SLC9A9: variants seen among roughly 807,000 people sequenced by gnomAD.
SLC9A9 encodes the protein sodium/hydrogen exchanger 9.
In SLC9A9, 62 loss-of-function variants were observed where a neutral mutation model predicts 77.8. The ratio of observed to expected loss-of-function variants is 0.80; its 90% CI spans 0.65 to 0.98. The LOEUF is 0.98. Among genes scored for constraint, SLC9A9 ranks in the 50% least tolerant of loss-of-function variants. The pLI, the probability that SLC9A9 is intolerant of heterozygous loss-of-function variation, is 0.00. For missense variants in SLC9A9, 775 were observed against 774.9 expected (o/e 1.00, Z 0.00); for synonymous variants, 320 against 283.5 (o/e 1.13, Z -1.29).
chr3:143,847,358 A>C (rs2009851602), intron 1 of SLC9A9, among the ~76,000 whole-genome samples: 1 of 152,218 alleles, frequency 6.6e-6, no homozygotes. Flanking sequence ...ATTTTACTTT[A>C]AAAGATGAGA....
At chr3:143,269,083 A>G in intron 14 of SLC9A9, 103 bp from the exon 15 acceptor site, 1 of 837,114 alleles carries the variant, frequency 1.2e-6, no homozygotes, top group Non-Finnish European at 2.0e-6. Context: ...TTGCCTTTAA[A>G]TCCCCTACTC....
At chr3:143,761,494 CA>C (rs1268148355) in intron 4 of SLC9A9, among the ~76,000 whole-genome samples, 1 of 151,702 alleles carries the variant, frequency 6.6e-6, no homozygotes, top group Non-Finnish European at 1.5e-5. Flanking sequence ...ACAAATTTAC[CA>C]GAAAAAAACA....
intron 6 of SLC9A9, among the ~76,000 whole-genome samples, chr3:143,626,410 T>C (rs1190903744): frequency 6.6e-6 from 1 of 152,150 alleles, no homozygotes; most frequent in Non-Finnish European, 1.5e-5. Context: ...ATGTGGCACA[T>C]ATACACCATG....
At chr3:143,341,323 G>T (rs985311045) in intron 14 of SLC9A9, among the ~76,000 whole-genome samples, 1 of 152,094 alleles carries the variant, frequency 6.6e-6, no homozygotes, top group Non-Finnish European at 1.5e-5. Flanking sequence ...AGCCTCCAAT[G>T]CCTGTCAATT....
At chr3:143,382,612 T>A (rs548321913) in intron 12 of SLC9A9, among the ~76,000 whole-genome samples, 16 of 152,234 alleles carry the variant, frequency 1.1e-4, no homozygotes, top group African/African-American at 2.9e-4. Context: ...ATTTGGGGGC[T>A]CTCTCTTTAA....
intron 6 of SLC9A9, among the ~76,000 whole-genome samples, chr3:143,593,170 C>A (rs761666875): frequency 9.2e-5 from 14 of 152,156 alleles, no homozygotes; most frequent in Non-Finnish European, 1.9e-4. Context: ...AGGTACGGGC[C>A]AGAAGGAGGA....
At chr3:143,736,567 A>G (rs1398361886) in intron 4 of SLC9A9, among the ~76,000 whole-genome samples, 1 of 152,028 alleles carries the variant, frequency 6.6e-6, no homozygotes, top group South Asian at 2.1e-4. Flanking sequence ...GGAAGTAACT[A>G]CCCCTTCTTT....
chr3:143,728,157 TG>T (rs150907936), intron 4 of SLC9A9, among the ~76,000 whole-genome samples: 5 of 152,160 alleles, frequency 3.3e-5, no homozygotes, highest in Non-Finnish European at 7.3e-5. Context: ...CGAGGCTGAG[TG>T]TGAACAAAAC....
At chr3:143,521,273 T>G (rs981254699) in intron 9 of SLC9A9, among the ~76,000 whole-genome samples, 3 of 152,104 alleles carry the variant, frequency 2.0e-5, no homozygotes, top group Admixed American at 2.0e-4. Context: ...TGAGTCAAGA[T>G]AGCAGCTACC....
chr3:143,823,483 G>A (rs147633664), intron 2 of SLC9A9, among the ~76,000 whole-genome samples: 72 of 152,128 alleles, frequency 4.7e-4, no homozygotes, highest in African/African-American at 1.7e-3. Context: ...TACTGGTGCC[G>A]CAAGACTCAG....
chr3:143,426,812 C>G (rs775667075), intron 12 of SLC9A9, among the ~76,000 whole-genome samples: 22 of 152,204 alleles, frequency 1.4e-4, no homozygotes, highest in Non-Finnish European at 2.6e-4. Flanking sequence ...CACATATTAA[C>G]TCATTTAATC....
rs537527330 is a variant in SLC9A9 at position 143,485,411 on chromosome 3, G to A, written c.1315+8242C>T. On this transcript the variant is annotated intron_variant, in intron 11 of 15. Coordinates refer to ENST00000316549, the MANE Select transcript of SLC9A9 (RefSeq NM_173653.4). ...CGATTTTCTTTTTCTCCTTTTGGGG[G>A]CCTGACATTAAATATTAGGTCATTA... Among the ~76,000 whole-genome samples, 121 of 151,990 alleles carry A rather than the reference G, an allele frequency of 8.0e-4. 1 individual carries two copies. The highest frequency in any genetic ancestry group is 2.5e-3 in the African/African-American group (105 of 41,440).
At chr3:143,388,290 T>C (rs2033474844) in intron 12 of SLC9A9, among the ~76,000 whole-genome samples, 1 of 152,156 alleles carries the variant, frequency 6.6e-6, no homozygotes, top group Admixed American at 6.5e-5. Flanking sequence ...ATAATTCAAA[T>C]ATTTTAATTT....
At chr3:143,576,507 A>T (rs757299018) in intron 7 of SLC9A9, among the ~76,000 whole-genome samples, 7 of 152,146 alleles carry the variant, frequency 4.6e-5, no homozygotes, top group Non-Finnish European at 1.0e-4. Context: ...GATGCATAGA[A>T]AGGCTCTGGC....
intron 8 of SLC9A9, among the ~76,000 whole-genome samples, chr3:143,555,679 G>T (rs17641385): frequency 0.21 from 32,519 of 152,142 alleles, 3,463 homozygotes; most frequent in African/African-American, 0.23. Context: ...CCAGGAACTA[G>T]CCAGAGATTT....
intron 14 of SLC9A9, among the ~76,000 whole-genome samples, chr3:143,271,116 C>T (rs945557684): frequency 6.8e-6 from 1 of 146,652 alleles, no homozygotes; most frequent in East Asian, 1.9e-4. Flanking sequence ...GTTATCAGAT[C>T]GAAAAAGCAT....
chr3:143,783,853 G>A, intron 4 of SLC9A9, among the ~76,000 whole-genome samples: 1 of 152,196 alleles, frequency 6.6e-6, no homozygotes, highest in South Asian at 2.1e-4. Context: ...CGGGAAAGGT[G>A]TAATAAAGGC....
intron 1 of SLC9A9, among the ~76,000 whole-genome samples, chr3:143,835,386 C>T (rs1371699516): frequency 6.6e-6 from 1 of 152,232 alleles, no homozygotes; most frequent in Non-Finnish European, 1.5e-5. Flanking sequence ...AGCCTCCTAA[C>T]ACATCTGGTT....
chr3:143,618,074 G>T (rs539399792), intron 6 of SLC9A9, among the ~76,000 whole-genome samples: 85 of 152,244 alleles, frequency 5.6e-4, no homozygotes, highest in African/African-American at 2.0e-3. Flanking sequence ...TGGATCCTAG[G>T]AATATTTGCA....
Sources: allele counts gnomAD v4.1 joint callset (sites outside exome capture counted in the v4.1 genomes callset), GRCh38; gene constraint gnomAD v4.1.1; transcripts MANE v1.5; gene names NCBI Gene and HGNC (gene_info 2026-07-23, HGNC 2026-07-21).